The following MDGA2 variants were observed in gnomAD, a reference collection of about 807,000 sequenced individuals.
MDGA2 encodes MAM domain-containing glycosylphosphatidylinositol anchor protein 2.
MDGA2 carries 40 observed loss-of-function variants against 117.8 expected under a neutral mutation model. The ratio of observed to expected loss-of-function variants is 0.34; its 90% CI spans 0.26 to 0.44. MDGA2 has a LOEUF of 0.44. MDGA2 is among the 20% of genes least tolerant of loss of function. The pLI, the probability that MDGA2 is intolerant of heterozygous loss-of-function variation, is 1.00. For missense variants in MDGA2, 1,123 were observed against 1,250.6 expected, an observed-to-expected ratio of 0.90 and a Z score of 1.54; for synonymous variants, 452 against 439.0, an observed-to-expected ratio of 1.03 and a Z score of -0.37.
At chr14:47,351,985 T>C (rs1300840578) in intron 1 of MDGA2, among the ~76,000 whole-genome samples, 1 of 151,864 alleles carries the variant, frequency 6.6e-6, no homozygotes, top group African/African-American at 2.4e-5. Flanking sequence ...ATGAGACTTA[T>C]CATGAAAGGA....
chr14:46,970,911 A>T (rs1886236916), intron 8 of MDGA2, among the ~76,000 whole-genome samples: 3 of 152,154 alleles, frequency 2.0e-5, no homozygotes, highest in East Asian at 1.9e-4. Flanking sequence ...AAGACATAAA[A>T]AATGGCCAAC....
At chr14:47,630,788 T>A (rs1391004607) in intron 1 of MDGA2, among the ~76,000 whole-genome samples, 1 of 152,192 alleles carries the variant, frequency 6.6e-6, no homozygotes, top group Non-Finnish European at 1.5e-5. Flanking sequence ...CAGCCAGATA[T>A]TAGAAATGAA....
At chr14:47,144,453 G>C (rs1048739760) in intron 3 of MDGA2, among the ~76,000 whole-genome samples, 179 bp from the exon 4 acceptor site, 12 of 152,038 alleles carry the variant, frequency 7.9e-5, no homozygotes, top group East Asian at 3.9e-4. Flanking sequence ...CCAATGATAA[G>C]AAGTATATTA....
chr14:47,672,486 A>G (rs554424790), intron 1 of MDGA2, among the ~76,000 whole-genome samples: 1 of 152,340 alleles, frequency 6.6e-6, no homozygotes, highest in South Asian at 2.1e-4. Context: ...CAGGGCAAAT[A>G]ATCTGAATAA....
chr14:46,947,835 T>C (rs2138600854), intron 9 of MDGA2, among the ~76,000 whole-genome samples: 1 of 151,050 alleles, frequency 6.6e-6, no homozygotes, highest in South Asian at 2.1e-4. Flanking sequence ...TACTTTCTAA[T>C]TTAAAAAAAA....
Position 47,394,668 on chromosome 14 carries a change from A to ATT in MDGA2, c.281-93120_281-93119dup, listed in dbSNP as rs557803472. On this transcript the variant is annotated intron_variant, in intron 1 of 16. Transcript: ENST00000399232. Reference sequence around the variant, plus strand: ...TTACTGGTCTCTTTAAAATTGTAACATTTTAATTTGAGAATTTCATAACTA... The same window carrying ATT: ...TTACTGGTCTCTTTAAAATTGTAACATTTTTTAATTTGAGAATTTCATAACTA... Among the ~76,000 whole-genome samples the ATT allele has an allele frequency of 3.2e-4, 48 of 152,280 alleles. No individual in the cohort carries two copies. The East Asian group carries it at 9.1e-3, about 29-fold the overall frequency.
At position 47,500,160 on chromosome 14, in the gene MDGA2, G is replaced by C. The variant is rs1349476209; in HGVS notation, c.280+174357C>G. ...ACCCCTTCAATTCGGTCAAAACTAT[G>C]TTGAACACATTTCCTCATCTGCTCC... is the stretch of plus-strand genomic sequence containing the variant. On this transcript the variant is annotated intron_variant, in intron 1 of 16. Coordinates refer to ENST00000399232, the MANE Select transcript of MDGA2 (RefSeq NM_001113498.3). 3.9e-5 allele frequency among the ~76,000 whole-genome samples: 6 copies of C among 152,202 alleles called. No individual in the cohort carries two copies. The East Asian group carries it at 1.2e-3, about 29-fold the overall frequency.
chr14:46,994,959 T>C (rs1350774073), intron 8 of MDGA2, among the ~76,000 whole-genome samples: 1 of 152,228 alleles, frequency 6.6e-6, no homozygotes, highest in South Asian at 2.1e-4. Context: ...ACAAGTATCA[T>C]TCTTGTGGAT....
chr14:46,952,412 G>A (rs998367173), intron 9 of MDGA2, among the ~76,000 whole-genome samples: 4 of 151,842 alleles, frequency 2.6e-5, no homozygotes, highest in African/African-American at 9.7e-5. Context: ...GAATTCCCAA[G>A]GACTTTGTGG....
At chr14:47,545,368 T>C (rs1366081799) in intron 1 of MDGA2, among the ~76,000 whole-genome samples, 1 of 152,174 alleles carries the variant, frequency 6.6e-6, no homozygotes, top group Non-Finnish European at 1.5e-5. Flanking sequence ...TGTGGTCAGA[T>C]AGACTCAATA....
chr14:46,953,318 A>G (rs1263084103), intron 9 of MDGA2, among the ~76,000 whole-genome samples: 1 of 75,628 alleles, frequency 1.3e-5, no homozygotes, highest in African/African-American at 3.0e-5. Context: ...TTAACTTTTG[A>G]AAAAAAAACA....
rs571108201 is a variant in MDGA2, at chr14:47,039,019, A to G, written c.1526-3715T>C. ...CCTTTCCCTACAACTCTCCTGGCCA[A>G]AAAGACTGTATAATTTCTCAAACCT... On this transcript the variant is annotated intron_variant, in intron 7 of 16. Coordinates refer to ENST00000399232, the MANE Select transcript of MDGA2 (RefSeq NM_001113498.3). Among the ~76,000 whole-genome samples, 89 of 152,194 alleles carry G rather than the reference A, an allele frequency of 5.8e-4. 1 individual carries two copies. Among genetic ancestry groups the G allele is most frequent in the African/African-American group, 2.0e-3 (85 of 41,542 alleles).
At chr14:47,652,113 C>G (rs1897656669) in intron 1 of MDGA2, among the ~76,000 whole-genome samples, 1 of 152,014 alleles carries the variant, frequency 6.6e-6, no homozygotes, top group Non-Finnish European at 1.5e-5. Context: ...GGGACAAGGA[C>G]AGAAATATAA....
chr14:47,409,893 G>C (rs1221962029), intron 1 of MDGA2, among the ~76,000 whole-genome samples: 1 of 152,122 alleles, frequency 6.6e-6, no homozygotes, highest in Non-Finnish European at 1.5e-5. Flanking sequence ...AGAAAAAAAC[G>C]TGAGCAGTGA....
intron 11 of MDGA2, among the ~76,000 whole-genome samples, chr14:46,881,054 T>C (rs1595017201): frequency 7.9e-6 from 1 of 126,104 alleles, no homozygotes; most frequent in Non-Finnish European, 1.9e-5. Flanking sequence ...ACATTTAGCA[T>C]TTTTTAACAT....
At chr14:47,383,172 G>A (rs1891675290) in intron 1 of MDGA2, among the ~76,000 whole-genome samples, 1 of 152,154 alleles carries the variant, frequency 6.6e-6, no homozygotes, top group Non-Finnish European at 1.5e-5. Flanking sequence ...CTTGGACACA[G>A]GATGGGGATT....
At chr14:47,295,928 G>A (rs1415643783) in intron 2 of MDGA2, among the ~76,000 whole-genome samples, 2 of 107,656 alleles carry the variant, frequency 1.9e-5, no homozygotes, top group African/African-American at 6.3e-5. Context: ...ATAGATAGAT[G>A]ATAAGATAGA....
chr14:46,926,727 C>A (rs940603435), intron 9 of MDGA2, among the ~76,000 whole-genome samples: 2 of 151,988 alleles, frequency 1.3e-5, no homozygotes, highest in African/African-American at 4.8e-5. Context: ...CAGAAACAGG[C>A]ATTTTTCTAA....
intron 1 of MDGA2, among the ~76,000 whole-genome samples, chr14:47,454,716 T>A (rs1455002422): frequency 6.6e-6 from 1 of 152,176 alleles, no homozygotes; most frequent in Admixed American, 6.5e-5. Flanking sequence ...CCTATTATAA[T>A]GGGTGGAATT....
Sources: gnomAD v4.1 joint callset for allele counts (sites outside exome capture counted in the v4.1 genomes callset) on GRCh38, gnomAD v4.1.1 for gene constraint, MANE v1.5 for transcripts, NCBI Gene and HGNC (gene_info 2026-07-23, HGNC 2026-07-21) for gene names.